HS6ST3: variants seen among roughly 807,000 people sequenced by gnomAD.
HS6ST3 encodes heparan-sulfate 6-O-sulfotransferase 3.
In HS6ST3, 12 loss-of-function variants were observed where a neutral mutation model predicts 36.7. That is an observed-to-expected ratio of 0.33 (90% CI 0.21 to 0.53). The LOEUF is 0.53. Ranked by LOEUF, HS6ST3 falls within the 20% of genes least tolerant of loss-of-function variation. HS6ST3 has a pLI of 0.95. For synonymous variants in HS6ST3, 240 were observed against 257.5 expected (o/e 0.93, Z 0.65); for missense variants, 584 against 640.9 (o/e 0.91, Z 0.96).
At chr13:96,151,273 G>A (rs899343041) in intron 1 of HS6ST3, among the ~76,000 whole-genome samples, 8 of 152,080 alleles carry the variant, frequency 5.3e-5, no homozygotes, top group African/African-American at 7.2e-5. Flanking sequence ...GTGTGGTGAC[G>A]TGCACATGTA....
chr13:96,125,475 T>C (rs891089879), intron 1 of HS6ST3, among the ~76,000 whole-genome samples: 26 of 152,314 alleles, frequency 1.7e-4, no homozygotes, highest in African/African-American at 6.0e-4. Context: ...CAGTTCTATC[T>C]TACTTATTTA....
At chr13:96,677,105 A>C (rs2056701277) in intron 1 of HS6ST3, among the ~76,000 whole-genome samples, 1 of 152,166 alleles carries the variant, frequency 6.6e-6, no homozygotes, top group South Asian at 2.1e-4. Context: ...AGATTAAGAA[A>C]AATTAATTGC....
At chr13:96,693,183 C>A (rs927288679) in intron 1 of HS6ST3, among the ~76,000 whole-genome samples, 5 of 152,138 alleles carry the variant, frequency 3.3e-5, no homozygotes, top group African/African-American at 4.8e-5. Context: ...CCTGTTTCAC[C>A]TGTTTTTAAT....
intron 1 of HS6ST3, among the ~76,000 whole-genome samples, chr13:96,668,002 A>G (rs545541168): frequency 7.2e-5 from 11 of 152,328 alleles, no homozygotes; most frequent in Admixed American, 6.5e-4. Context: ...TTCTCCCTCT[A>G]ACATTCACCA....
chr13:96,198,185 G>A (rs376913657), intron 1 of HS6ST3, among the ~76,000 whole-genome samples: 129 of 152,300 alleles, frequency 8.5e-4, no homozygotes, highest in East Asian at 6.8e-3. Flanking sequence ...TGGCTGGAAC[G>A]GCTGGGACAC....
At chr13:96,804,391 G>A (rs1878150093) in intron 1 of HS6ST3, among the ~76,000 whole-genome samples, 1 of 152,058 alleles carries the variant, frequency 6.6e-6, no homozygotes, top group Non-Finnish European at 1.5e-5. Context: ...GTGGCCGGGA[G>A]CTTACCAACA....
chr13:96,226,380 C>T (rs867969506), intron 1 of HS6ST3, among the ~76,000 whole-genome samples: 14 of 152,096 alleles, frequency 9.2e-5, no homozygotes, highest in Middle Eastern at 3.2e-3. Flanking sequence ...ATTAGCCATG[C>T]ATGGTGGCTC....
chr13:96,709,650 G>A (rs919784286), intron 1 of HS6ST3, among the ~76,000 whole-genome samples: 27 of 152,146 alleles, frequency 1.8e-4, no homozygotes, highest in Middle Eastern at 3.4e-3. Context: ...TCTATAAATC[G>A]GAAGGAGGCC....
chr13:96,261,340 A>ATGTATATATG (rs2054665747), intron 1 of HS6ST3, among the ~76,000 whole-genome samples: 2 of 151,030 alleles, frequency 1.3e-5, no homozygotes, highest in Admixed American at 1.3e-4. Context: ...ATATGTATAT[A>ATGTATATATG]CATAATGTAG....
intron 1 of HS6ST3, among the ~76,000 whole-genome samples, chr13:96,687,301 T>C (rs1218208527): frequency 6.6e-6 from 1 of 152,054 alleles, no homozygotes; most frequent in Non-Finnish European, 1.5e-5. Context: ...TGGTGGAAAC[T>C]TCTGGGTTTG....
intron 1 of HS6ST3, among the ~76,000 whole-genome samples, chr13:96,739,125 CTT>C (rs1410669117): frequency 2.6e-5 from 4 of 151,622 alleles, no homozygotes; most frequent in Non-Finnish European, 5.9e-5. Flanking sequence ...TTCTTAGTCT[CTT>C]TGCTTTTTCC....
At chr13:96,735,714 A>G (rs1876266550) in intron 1 of HS6ST3, among the ~76,000 whole-genome samples, 1 of 152,188 alleles carries the variant, frequency 6.6e-6, no homozygotes, top group African/African-American at 2.4e-5. Context: ...AATGAGTAAA[A>G]TCAGTACAAG....
chr13:96,143,369 C>A (rs117932178), intron 1 of HS6ST3, among the ~76,000 whole-genome samples: 3,915 of 149,802 alleles, frequency 0.026, 59 homozygotes, highest in Non-Finnish European at 0.034. Flanking sequence ...ACTACCTTGT[C>A]TGTTAAAAAA....
intron 1 of HS6ST3, among the ~76,000 whole-genome samples, chr13:96,776,473 G>A (rs1032719113): frequency 1.3e-4 from 19 of 151,990 alleles, no homozygotes; most frequent in African/African-American, 4.6e-4. Context: ...AAAGAGAGAC[G>A]AGTCAAATAG....
intron 1 of HS6ST3, among the ~76,000 whole-genome samples, chr13:96,642,920 TTGCTTTTTTCCCC>T (rs2056575248): frequency 6.6e-6 from 1 of 151,932 alleles, no homozygotes; most frequent in Admixed American, 6.6e-5. Context: ...TTTCTATTGA[TTGCTTTTTTCCCC>T]TGTGTTTAGG....
intron 1 of HS6ST3, among the ~76,000 whole-genome samples, chr13:96,380,989 G>A (rs2055337926): frequency 6.6e-6 from 1 of 152,210 alleles, no homozygotes; most frequent in Admixed American, 6.5e-5. Flanking sequence ...TCAAGAAGTG[G>A]TGTGGAGATA....
At chr13:96,298,321 C>A (rs1279730492) in intron 1 of HS6ST3, among the ~76,000 whole-genome samples, 1 of 152,156 alleles carries the variant, frequency 6.6e-6, no homozygotes, top group African/African-American at 2.4e-5. Context: ...TTGGCGTGTG[C>A]ACACACAAAA....
chr13:96,523,780 G>T (rs778402206), intron 1 of HS6ST3, among the ~76,000 whole-genome samples: 19 of 152,036 alleles, frequency 1.2e-4, no homozygotes, highest in Non-Finnish European at 2.1e-4. Flanking sequence ...AAGGTTTTTA[G>T]CTTCCTTGCA....
intron 1 of HS6ST3, among the ~76,000 whole-genome samples, chr13:96,664,169 C>T (rs192873747): frequency 6.6e-6 from 1 of 152,050 alleles, no homozygotes; most frequent in East Asian, 1.9e-4. Flanking sequence ...AAAAGGAAAT[C>T]TCGGCTTTCT....
Sources: gnomAD v4.1 joint callset for allele counts (sites outside exome capture counted in the v4.1 genomes callset) on GRCh38, gnomAD v4.1.1 for gene constraint, MANE v1.5 for transcripts, NCBI Gene and HGNC (gene_info 2026-07-23, HGNC 2026-07-21) for gene names.